Variants in PCDHGA10 observed in about 807,000 individuals in gnomAD.
PCDHGA10 encodes protocadherin gamma subfamily A, 10.
Under a neutral mutation model 59.5 loss-of-function variants are expected in PCDHGA10, and 42 were observed. The ratio of observed to expected loss-of-function variants is 0.71; its 90% CI spans 0.55 to 0.91. The LOEUF is 0.91. Ranked by LOEUF, PCDHGA10 falls within the 40% of genes least tolerant of loss-of-function variation. The probability of loss-of-function intolerance (pLI) is 0.00; values close to 1 mark genes in which losing one functional copy is unlikely to be tolerated. For synonymous variants in PCDHGA10, 511 were observed against 517.2 expected (o/e 0.99, Z 0.16); for missense variants, 1,111 against 1,198.2 (o/e 0.93, Z 1.07).
intron 1 of PCDHGA10, chr5:141,416,834 C>T (rs966016844): frequency 4.6e-5 from 7 of 151,848 alleles, no homozygotes; most frequent in Non-Finnish European, 1.0e-4. Flanking sequence ...TTCTCAAGAC[C>T]CTTATAATTC....
intron 1 of PCDHGA10, among the ~76,000 whole-genome samples, chr5:141,444,880 G>A (rs527554886): frequency 6.6e-6 from 1 of 152,150 alleles, no homozygotes; most frequent in Non-Finnish European, 1.5e-5. Context: ...AAGCTTGTAG[G>A]ATTTTTGAAT....
chr5:141,423,070 C>G, intron 1 of PCDHGA10: 1 of 1,614,132 alleles, frequency 6.2e-7, no homozygotes, highest in Non-Finnish European at 8.5e-7. Flanking sequence ...GGCCAGCGAG[C>G]CGGGACTCTT....
intron 1 of PCDHGA10, among the ~76,000 whole-genome samples, chr5:141,460,628 G>C (rs2098993821): frequency 6.6e-6 from 1 of 151,958 alleles, no homozygotes; most frequent in African/African-American, 2.4e-5. Flanking sequence ...GACAGATACA[G>C]ATATATAACT....
chr5:141,417,942 C>A (rs1324501154), intron 1 of PCDHGA10: 19 of 1,613,208 alleles, frequency 1.2e-5, no homozygotes, highest in Non-Finnish European at 1.5e-5. Flanking sequence ...TTCTACCCCA[C>A]GCTGTGTGAG....
In PCDHGA10 at chr5:141,414,837, G is replaced by C. The variant is rs776651290; in HGVS notation, c.1662G>C (p.Leu554=). The change falls in exon 1 of 4, where the codon CTG becomes CTC. Residue 554 remains leucine, a synonymous_variant. Coordinates refer to ENST00000398610, the MANE Select transcript of PCDHGA10 (RefSeq NM_018913.3). ...TCAGCAGCAACGTGTCGTTGAGCCT[G>C]TTTGTGCTGGACCAGAACGACAATG... ...PPLSSNVSLS[L]FVLDQNDNAP... is the part of the protein sequence containing the mutation. The C allele has an allele frequency of 2.4e-5, 38 of 1,614,232 alleles. No homozygotes were observed. In the Admixed American group the frequency reaches 5.8e-4, roughly 25 times the overall value.
chr5:141,442,751 T>G (rs756672976), intron 1 of PCDHGA10, among the ~76,000 whole-genome samples: 1 of 152,196 alleles, frequency 6.6e-6, no homozygotes, highest in Non-Finnish European at 1.5e-5. Context: ...CATGTTTTGA[T>G]TATATATATT....
At chr5:141,448,999 G>GT (rs910018882) in intron 1 of PCDHGA10, among the ~76,000 whole-genome samples, 19 of 151,698 alleles carry the variant, frequency 1.3e-4, no homozygotes, top group South Asian at 2.1e-4. Flanking sequence ...ATAGAAAGCT[G>GT]TTTTTTTTAA....
intron 1 of PCDHGA10, chr5:141,430,990 GA>G (rs1185464233): frequency 1.2e-6 from 2 of 1,613,970 alleles, no homozygotes; most frequent in East Asian, 4.5e-5. Context: ...TTTTCGCCCT[GA>G]ATCCGCGCAG....
intron 1 of PCDHGA10, chr5:141,422,519 C>T (rs1297821851): frequency 6.2e-7 from 1 of 1,613,968 alleles, no homozygotes; most frequent in African/African-American, 1.3e-5. Context: ...CAGGGAAGCC[C>T]GCCTTTGTCT....
Position 141,432,057 on chromosome 5 carries a change from C to G in PCDHGA10, c.2436+16446C>G. On this transcript the variant is annotated intron_variant, in intron 1 of 3. Coordinates refer to ENST00000398610, the MANE Select transcript of PCDHGA10 (RefSeq NM_018913.3). This position sits in a 1 kb window ranked among gnomAD's most constrained non-coding sequence, Gnocchi z 6.0. The stretch of plus-strand genomic sequence containing the variant: ...ACTGACCGGGGAACCCCGCCCCTAT[C>G]CACGGAAACTCATATCTCGCTGAAC... 1 of 1,614,220 alleles carries G rather than the reference C, an allele frequency of 6.2e-7. No homozygotes were observed. The highest frequency in any genetic ancestry group is 8.5e-7 in the Non-Finnish European group (1 of 1,180,042).
intron 1 of PCDHGA10, chr5:141,416,520 G>A (rs1209482346): frequency 6.6e-6 from 1 of 152,136 alleles, no homozygotes; most frequent in African/African-American, 2.4e-5. Context: ...TATTTCAGTG[G>A]CTCTTTAATG....
In PCDHGA10 at chr5:141,413,804, CCATTCACCACCTGGTCCTCA is replaced by C; in HGVS notation, c.631_650del (p.Ile211ArgfsTer6). 1.2e-6 allele frequency: 2 copies of C among 1,613,194 alleles called. No homozygotes were observed. The highest frequency in any genetic ancestry group is 1.7e-6 in the Non-Finnish European group (2 of 1,179,880). On this transcript the variant is annotated frameshift_variant, in exon 1 of 4. Coordinates refer to ENST00000398610, the MANE Select transcript of PCDHGA10 (RefSeq NM_018913.3). LOFTEE classifies it high-confidence loss of function. ...CACTCCCTAGATCGCGAGGAAGAGG[CCATTCACCACCTGGTCCTCA>C]CCGCCTCCGACGGGGGTGACCCTCT...
At position 141,477,055 on chromosome 5, in the gene PCDHGA10, G is replaced by A. The variant is rs531755338; in HGVS notation, c.2437-17752G>A. Reference sequence around the variant, plus strand: ...CAATCAAGGGTCGGCTGGACTTCGAGGACACCAAACTCCATGAGATTTACA... The same window carrying A: ...CAATCAAGGGTCGGCTGGACTTCGAAGACACCAAACTCCATGAGATTTACA... On this transcript the variant is annotated intron_variant, in intron 1 of 3. Transcript: ENST00000398610. This position sits in a 1 kb window ranked among gnomAD's most constrained non-coding sequence, Gnocchi z 4.9. The A allele has an allele frequency of 4.5e-5, 72 of 1,614,242 alleles. 1 individual carries two copies. In the South Asian group the frequency reaches 7.8e-4, roughly 17 times the overall value.
intron 1 of PCDHGA10, among the ~76,000 whole-genome samples, chr5:141,457,873 G>C (rs967389295): frequency 2.0e-5 from 3 of 152,200 alleles, no homozygotes; most frequent in Non-Finnish European, 4.4e-5. Context: ...CCACAGGTTA[G>C]GAACCCTGTG....
chr5:141,432,031 C>T lies in PCDHGA10; in HGVS notation c.2436+16420C>T. The T allele has an allele frequency of 6.2e-7, 1 of 1,614,220 alleles. No individual in the cohort carries two copies. Among genetic ancestry groups the T allele is most frequent in the Non-Finnish European group, 8.5e-7 (1 of 1,180,048 alleles). ...CTAGCTACAACATCACAGTGACCGC[C>T]ACTGACCGGGGAACCCCGCCCCTAT... On this transcript the variant is annotated intron_variant, in intron 1 of 3. Coordinates refer to ENST00000398610, the MANE Select transcript of PCDHGA10 (RefSeq NM_018913.3). This position sits in a 1 kb window ranked among gnomAD's most constrained non-coding sequence, Gnocchi z 6.0.
At chr5:141,443,481 G>C (rs1025329476) in intron 1 of PCDHGA10, among the ~76,000 whole-genome samples, 3 of 152,114 alleles carry the variant, frequency 2.0e-5, no homozygotes, top group African/African-American at 7.2e-5. Context: ...ATTAGACCCT[G>C]TCCCAAAACA....
At position 141,489,545 on chromosome 5, in the gene PCDHGA10, G is replaced by A. The variant is rs1396651116; in HGVS notation, c.2437-5262G>A. On this transcript the variant is annotated intron_variant, in intron 1 of 3. Transcript: ENST00000398610. The surrounding 1 kb of genome is among the most constrained non-coding windows in gnomAD (Gnocchi z 4.5). ...AGCCTATGTGGAGCCAGCACCAGCT[G>A]CCTGCTGCCAGTGCAGGTGGTGACT... 3 of 1,613,984 alleles carry A rather than the reference G, an allele frequency of 1.9e-6. No individual in the cohort carries two copies. The highest frequency in any genetic ancestry group is 2.5e-6 in the Non-Finnish European group (3 of 1,180,022).
intron 1 of PCDHGA10, chr5:141,428,388 C>G (rs1299321513): frequency 4.0e-6 from 2 of 506,160 alleles, no homozygotes; most frequent in Non-Finnish European, 7.3e-6. Context: ...GCTCTTCCAG[C>G]CCCTCTGCCT....
At chr5:141,500,190 TTA>T (rs551092091) in intron 2 of PCDHGA10, among the ~76,000 whole-genome samples, 3 of 110,960 alleles carry the variant, frequency 2.7e-5, no homozygotes, top group Non-Finnish European at 3.9e-5. Context: ...TTATTTTTAT[TTA>T]TTTATTTATT....
Sources: gnomAD v4.1 joint callset for allele counts (sites outside exome capture counted in the v4.1 genomes callset) on GRCh38, gnomAD v4.1.1 for gene constraint, Gnocchi (gnomAD v3.1) non-coding constraint, MANE v1.5 for transcripts, NCBI Gene and HGNC (gene_info 2026-07-23, HGNC 2026-07-21) for gene names.